The following NCF2 variants were observed in gnomAD, a reference collection of about 807,000 sequenced individuals.
The protein encoded by NCF2 is neutrophil cytosolic factor 2.
In NCF2, 45 loss-of-function variants were observed where a neutral mutation model predicts 70.9. That is an observed-to-expected ratio of 0.63 (90% CI 0.50 to 0.81). The LOEUF is 0.81. NCF2 is among the 40% of genes least tolerant of loss of function. NCF2 has a pLI of 0.00. For missense variants in NCF2, 522 were observed against 631.6 expected (o/e 0.83, Z 1.86); for synonymous variants, 203 against 233.6 (o/e 0.87, Z 1.19).
At position 183,567,593 on chromosome 1, in the gene NCF2, G is replaced by C; in HGVS notation, c.714-248C>G. On this transcript the variant is annotated intron_variant, in intron 7 of 14. Transcript: ENST00000367535. ...AGCAAAAACCCCACAACACTAGATAGTGAGGACTTACAATCCTTGCCCTCC... is the reference window on the plus strand; with the variant it reads ...AGCAAAAACCCCACAACACTAGATACTGAGGACTTACAATCCTTGCCCTCC... 6.6e-6 allele frequency: 4 copies of C among 603,880 alleles called. No homozygotes were observed. In the South Asian group the frequency reaches 6.8e-5, roughly 10 times the overall value. 37.4% of individuals were successfully genotyped at this position (603,880 alleles called of 1,614,324 possible).
Position 183,556,131 on chromosome 1 carries a change from C to A in NCF2, c.1568G>T (p.Arg523Leu), listed in dbSNP as rs139108402. Residue 523 changes from arginine (R) to leucine (L), a missense_variant, in exon 15 of 15, where the codon CGG becomes CTG. Arg to Leu is a moderately radical substitution (Grantham distance 102). Coordinates refer to ENST00000367535, the MANE Select transcript of NCF2 (RefSeq NM_000433.4). The stretch of plus-strand genomic sequence containing the variant: ...TTGTGAAACATCCTAGACTTCTCTC[C>A]GAGTGCTTTCCAAATCTGTAGTTGC... The part of the protein sequence containing the change: ...DCATTDLEST[R>L]REV The A allele has an allele frequency of 2.5e-6, 4 of 1,614,040 alleles. No homozygotes were observed. Among genetic ancestry groups the A allele is most frequent in the Non-Finnish European group, 2.5e-6 (3 of 1,179,886 alleles).
upstream of NCF2, among the ~76,000 whole-genome samples, chr1:183,594,005 T>C (rs182193702): frequency 1.2e-4 from 18 of 152,326 alleles, no homozygotes; most frequent in South Asian, 8.3e-4. Flanking sequence ...GCAGCTGTCT[T>C]ATAATCATGA....
At chr1:183,562,448 G>A (rs972375657) in intron 13 of NCF2, among the ~76,000 whole-genome samples, 2 of 152,050 alleles carry the variant, frequency 1.3e-5, no homozygotes, top group African/African-American at 4.8e-5. Flanking sequence ...AGACACCAGG[G>A]AGTCTCATCC....
chr1:183,575,298 T>C (rs547494066), intron 3 of NCF2, among the ~76,000 whole-genome samples: 9 of 152,298 alleles, frequency 5.9e-5, no homozygotes, highest in East Asian at 3.9e-4. Context: ...GGAGAAACCC[T>C]GTCTCTACTA....
At chr1:183,578,230 T>C (rs1465110612) in intron 2 of NCF2, among the ~76,000 whole-genome samples, 1 of 152,224 alleles carries the variant, frequency 6.6e-6, no homozygotes, top group Admixed American at 6.5e-5. Context: ...ATGGCTTCTT[T>C]TGAGTTCAAC....
intron 9 of NCF2, among the ~76,000 whole-genome samples, chr1:183,566,460 T>A (rs948141299): frequency 3.9e-5 from 6 of 152,312 alleles, no homozygotes; most frequent in African/African-American, 1.4e-4. Context: ...CCCAGGCTGG[T>A]CTCGAACTCC....
intron 13 of NCF2, among the ~76,000 whole-genome samples, chr1:183,560,702 C>T (rs1440695726): frequency 6.6e-6 from 1 of 152,252 alleles, no homozygotes; most frequent in Non-Finnish European, 1.5e-5. Context: ...GGCCAGTATA[C>T]CTGCAGCTCA....
intron 2 of NCF2, among the ~76,000 whole-genome samples, chr1:183,579,481 C>T (rs1197463124): frequency 6.6e-6 from 1 of 152,058 alleles, no homozygotes; most frequent in African/African-American, 2.4e-5. Flanking sequence ...AATCCCAGCA[C>T]TTTGGGAGAC....
In NCF2 at chr1:183,556,085, C is replaced by T. The variant is rs1387770010; in HGVS notation, c.*33G>A. On this transcript the variant is annotated 3_prime_UTR_variant, in exon 15 of 15. Transcript: ENST00000367535. ...ATCTTACAAACAAGTAATAGGGCTT[C>T]ATTTTCTTCAGCTTTGTAGTTTGTG... 1 of 1,560,844 alleles carries T rather than the reference C, an allele frequency of 6.4e-7. No individual in the cohort carries two copies. Among genetic ancestry groups the T allele is most frequent in the East Asian group, 2.2e-5 (1 of 44,640 alleles).
At chr1:183,563,673 A>G in intron 11 of NCF2, 88 bp from the exon 12 acceptor site, 3 of 1,535,824 alleles carry the variant, frequency 2.0e-6, no homozygotes, top group East Asian at 2.2e-5. Flanking sequence ...GATTTGGCAC[A>G]GGGGGTACCC....
chr1:183,574,076 C>G (rs376705802), intron 4 of NCF2, among the ~76,000 whole-genome samples: 1 of 152,170 alleles, frequency 6.6e-6, no homozygotes, highest in African/African-American at 2.4e-5. Context: ...GGCAACAGAG[C>G]GAGACTCCAT....
chr1:183,595,165 C>T (rs887289552), upstream of NCF2, among the ~76,000 whole-genome samples: 31 of 151,958 alleles, frequency 2.0e-4, no homozygotes, highest in African/African-American at 7.0e-4. Context: ...ACTTTTTTGC[C>T]GTCAACTCTA....
At position 183,560,147 on chromosome 1, in the gene NCF2, G is replaced by A. The variant is rs1671977097; in HGVS notation, c.1417C>T (p.Pro473Ser). The A allele has an allele frequency of 6.2e-7, 1 of 1,614,134 alleles. No homozygotes were observed. The highest frequency in any genetic ancestry group is 8.5e-7 in the Non-Finnish European group (1 of 1,180,026). The change falls in exon 14 of 15, where the codon CCA (proline) becomes TCA (serine). Residue 473 changes from proline to serine, a missense_variant. Coordinates refer to ENST00000367535, the MANE Select transcript of NCF2 (RefSeq NM_000433.4). ...CCTTCCTGAAACTCCAGGTCCTCTG[G>A]TTGGGTAGCCTCATAACTGAAGAGT... ...EALFSYEATQ[P>S]EDLEFQEGDI...
intron 7 of NCF2, 76 bp downstream of exon 7, chr1:183,569,063 ATCT>A: frequency 4.3e-6 from 6 of 1,391,262 alleles, no homozygotes; most frequent in South Asian, 2.3e-5. Context: ...CCCCACCTTC[ATCT>A]TCTTCCCTCC....
chr1:183,563,871 G>A lies in NCF2; in HGVS notation c.1026+134C>T, dbSNP rs189495668. ...CTATTAAGAAGGTCCCTAGCTCATG[G>A]ACTCTGTAAGGTAGCAACTGGTTCG... is the stretch of plus-strand genomic sequence containing the variant. On this transcript the variant is annotated intron_variant, in intron 11 of 14. Coordinates refer to ENST00000367535, the MANE Select transcript of NCF2 (RefSeq NM_000433.4). 2.6e-5 allele frequency: 27 copies of A among 1,037,694 alleles called. No homozygotes were observed. The Admixed American group carries it at 4.1e-4, about 16-fold the overall frequency. The allele number at this position is 1,037,694 out of a possible 1,614,324, so 64.3% of individuals were successfully genotyped here.
At chr1:183,557,893 G>C (rs1230492569) in intron 14 of NCF2, among the ~76,000 whole-genome samples, 1 of 148,050 alleles carries the variant, frequency 6.8e-6, no homozygotes, top group Non-Finnish European at 1.5e-5. Flanking sequence ...TTTTTTTTTT[G>C]AGACAGAATC....
chr1:183,559,250 ACTC>A (rs1186377113), intron 14 of NCF2, among the ~76,000 whole-genome samples: 1 of 151,254 alleles, frequency 6.6e-6, no homozygotes, highest in East Asian at 1.9e-4. Flanking sequence ...ACAGCCTTGA[ACTC>A]CTGGCCTCAA....
At chr1:183,567,078 A>G (rs1672334250) in intron 8 of NCF2, 90 bp from the exon 9 acceptor site, 1 of 1,604,656 alleles carries the variant, frequency 6.2e-7, no homozygotes, top group Non-Finnish European at 8.5e-7. Context: ...GTCCTGGGGA[A>G]GGGATGACGA....
intron 6 of NCF2, among the ~76,000 whole-genome samples, chr1:183,569,953 T>G (rs1176940970): frequency 6.6e-6 from 1 of 152,210 alleles, no homozygotes; most frequent in Non-Finnish European, 1.5e-5. Flanking sequence ...TCCCCTGTTC[T>G]ACACTGAATA....
Sources: gnomAD v4.1 joint callset for allele counts (sites outside exome capture counted in the v4.1 genomes callset) on GRCh38, gnomAD v4.1.1 for gene constraint, MANE v1.5 for transcripts, NCBI Gene and HGNC (gene_info 2026-07-23, HGNC 2026-07-21) for gene names.